SLIT3: variants seen among roughly 807,000 people sequenced by gnomAD.
SLIT3 encodes the protein slit guidance ligand 3, also known as slit homolog 3 protein.
SLIT3 carries 68 observed loss-of-function variants against 184.0 expected under a neutral mutation model. That is an observed-to-expected ratio of 0.37 (90% CI 0.30 to 0.45). SLIT3 has a LOEUF of 0.45. Among genes scored for constraint, SLIT3 ranks in the 20% least tolerant of loss-of-function variants. The pLI, the probability that SLIT3 is intolerant of heterozygous loss-of-function variation, is 1.00. For synonymous variants in SLIT3, 831 were observed against 828.6 expected (o/e 1.00, Z -0.05); for missense variants, 1,707 against 2,026.0 (o/e 0.84, Z 3.02).
At chr5:168,750,306 C>T (rs2113463733) in intron 18 of SLIT3, among the ~76,000 whole-genome samples, 1 of 152,348 alleles carries the variant, frequency 6.6e-6, no homozygotes, top group Non-Finnish European at 1.5e-5. Flanking sequence ...TGAGTGTTTA[C>T]TACAGGACTG....
chr5:169,002,487 G>A (rs146591997), intron 4 of SLIT3, among the ~76,000 whole-genome samples: 10 of 152,112 alleles, frequency 6.6e-5, no homozygotes, highest in African/African-American at 2.4e-4. Context: ...GATGACATCA[G>A]GTGGGAGGAT....
intron 4 of SLIT3, among the ~76,000 whole-genome samples, chr5:169,038,232 A>G (rs2113551793): frequency 6.6e-6 from 1 of 152,300 alleles, no homozygotes; most frequent in Non-Finnish European, 1.5e-5. Context: ...GGGTCTGTGG[A>G]CCTCATTTGA....
At chr5:169,192,423 C>CTCTGTGTG (rs1044234461) in intron 4 of SLIT3, among the ~76,000 whole-genome samples, 40 of 148,170 alleles carry the variant, frequency 2.7e-4, no homozygotes, top group East Asian at 9.9e-4. Context: ...TATATAGTCT[C>CTCTGTGTG]TGTGTGTGTG....
intron 1 of SLIT3, among the ~76,000 whole-genome samples, chr5:169,253,804 G>A (rs1242511020): frequency 6.6e-6 from 1 of 152,182 alleles, no homozygotes; most frequent in Admixed American, 6.5e-5. Context: ...CCTTGTTGGT[G>A]TGCTCTCTTC....
chr5:169,280,633 C>T (rs1766965084), intron 1 of SLIT3, among the ~76,000 whole-genome samples: 1 of 152,098 alleles, frequency 6.6e-6, no homozygotes. Flanking sequence ...GCAAAAGGGA[C>T]ACTGAGATTT....
At position 169,188,822 on chromosome 5, in the gene SLIT3, G is replaced by T. The variant is rs967842882; in HGVS notation, c.413+4657C>A. On this transcript the variant is annotated intron_variant, in intron 4 of 35. Transcript: ENST00000519560. The stretch of plus-strand genomic sequence containing the variant: ...CTACCATTGTCTATGTTACTGATAA[G>T]AACCTGAGACAAGAGAGGTTAAGTA... 2.0e-5 allele frequency among the ~76,000 whole-genome samples: 3 copies of T among 152,148 alleles called. No homozygotes were observed. The East Asian group carries it at 5.8e-4, about 29-fold the overall frequency.
At chr5:168,673,138 C>A in intron 33 of SLIT3, 39 bp downstream of exon 33, 1 of 1,604,772 alleles carries the variant, frequency 6.2e-7, no homozygotes, top group South Asian at 1.1e-5. Context: ...GCACAGAGGG[C>A]CAGAGGGAGG....
rs1767634175 is a variant in SLIT3, at chr5:169,300,090, C to T, written c.197+423G>A. Among the ~76,000 whole-genome samples the T allele has an allele frequency of 6.6e-6, 1 of 152,248 alleles. No homozygotes were observed. The highest frequency in any genetic ancestry group is 6.5e-5 in the Admixed American group (1 of 15,294). ...CCAAGCAGGTCAACAGTCTCGGGCCCTCTCTCCCGCCTCCGCGCCTTGACG... is the reference window on the plus strand; with the variant it reads ...CCAAGCAGGTCAACAGTCTCGGGCCTTCTCTCCCGCCTCCGCGCCTTGACG... On this transcript the variant is annotated intron_variant, in intron 1 of 35. Transcript: ENST00000519560. This position sits in a 1 kb window ranked among gnomAD's most constrained non-coding sequence, Gnocchi z 4.1.
intron 3 of SLIT3, among the ~76,000 whole-genome samples, chr5:169,201,508 G>A (rs1456367453): frequency 6.6e-6 from 1 of 152,160 alleles, no homozygotes; most frequent in East Asian, 1.9e-4. Flanking sequence ...TACAGCTACT[G>A]TTATTATCAG....
At chr5:169,157,406 G>A (rs747619458) in intron 4 of SLIT3, among the ~76,000 whole-genome samples, 6 of 152,166 alleles carry the variant, frequency 3.9e-5, no homozygotes, top group Admixed American at 1.3e-4. Context: ...TGCCCTCCCA[G>A]CCAGGTGGTA....
chr5:168,747,462 G>A (rs918966563), intron 20 of SLIT3, among the ~76,000 whole-genome samples: 2 of 152,108 alleles, frequency 1.3e-5, no homozygotes, highest in Non-Finnish European at 2.9e-5. Flanking sequence ...TTGAGTGGAT[G>A]AGTGAAGGAG....
At chr5:169,005,142 A>T (rs1755868623) in intron 4 of SLIT3, among the ~76,000 whole-genome samples, 1 of 152,240 alleles carries the variant, frequency 6.6e-6, no homozygotes, top group Non-Finnish European at 1.5e-5. Context: ...TTTAAAACAT[A>T]ATGCTGTTAC....
At chr5:168,868,511 A>C (rs1441876022) in intron 5 of SLIT3, among the ~76,000 whole-genome samples, 1 of 152,060 alleles carries the variant, frequency 6.6e-6, no homozygotes, top group Non-Finnish European at 1.5e-5. Flanking sequence ...GCACTTTGGG[A>C]GGACAAAGGG....
At chr5:168,897,648 A>ACGCGCGCGCGCGCGCG (rs1561994278) in intron 4 of SLIT3, among the ~76,000 whole-genome samples, 3 of 47,664 alleles carry the variant, frequency 6.3e-5, no homozygotes, top group Admixed American at 4.8e-4. Context: ...AGGTGCACGT[A>ACGCGCGCGCGCGCGCG]CACACACACA....
chr5:168,975,564 G>C (rs1252650677), intron 4 of SLIT3, among the ~76,000 whole-genome samples: 4 of 151,938 alleles, frequency 2.6e-5, no homozygotes, highest in African/African-American at 9.7e-5. Flanking sequence ...CACCCACACT[G>C]ACACACAGGC....
intron 23 of SLIT3, chr5:168,720,171 C>T (rs1250284073): frequency 2.6e-5 from 4 of 152,318 alleles, no homozygotes; most frequent in African/African-American, 7.2e-5. Context: ...CCACCTCGGC[C>T]TCCCAAAGTG....
chr5:168,748,515 T>C (rs1455561792), intron 19 of SLIT3, 81 bp from the exon 20 acceptor site: 3 of 1,370,202 alleles, frequency 2.2e-6, no homozygotes, highest in Admixed American at 6.1e-5. Context: ...CTGCGTGTTC[T>C]CCACAAAGAC....
intron 4 of SLIT3, among the ~76,000 whole-genome samples, chr5:169,183,580 A>G (rs1763239855): frequency 6.6e-6 from 1 of 152,204 alleles, no homozygotes; most frequent in African/African-American, 2.4e-5. Flanking sequence ...GGTCCATGAC[A>G]TGACTCTAGG....
At chr5:169,245,931 T>C (rs945466077) in intron 2 of SLIT3, among the ~76,000 whole-genome samples, 3 of 152,200 alleles carry the variant, frequency 2.0e-5, no homozygotes, top group Non-Finnish European at 4.4e-5. Flanking sequence ...CTCCCAGTCC[T>C]AACACAGTTG....
Sources: allele counts gnomAD v4.1 joint callset (sites outside exome capture counted in the v4.1 genomes callset), GRCh38; gene constraint gnomAD v4.1.1; non-coding constraint Gnocchi (gnomAD v3.1); transcripts MANE v1.5; gene names NCBI Gene and HGNC (gene_info 2026-07-23, HGNC 2026-07-21).